CRYBG1: variants seen among roughly 807,000 people sequenced by gnomAD.
The protein encoded by CRYBG1 is beta/gamma crystallin domain-containing protein 1.
CRYBG1 carries 139 observed loss-of-function variants against 189.2 expected under a neutral mutation model. That is an observed-to-expected ratio of 0.73 (90% CI 0.64 to 0.85). CRYBG1 has a LOEUF of 0.85. CRYBG1 is among the 40% of genes least tolerant of loss of function. CRYBG1 has a pLI of 0.00. For missense variants in CRYBG1, 2,611 were observed against 2,675.8 expected (o/e 0.98, Z 0.53); for synonymous variants, 1,023 against 1,017.1 (o/e 1.01, Z -0.11).
In CRYBG1 at chr6:106,568,601, C is replaced by G. The variant is rs41302047; in HGVS notation, c.*35C>G. The G allele has an allele frequency of 3.4e-3, 5,132 of 1,490,964 alleles. 17 individuals carry two copies. The highest frequency in any genetic ancestry group is 4.3e-3 in the Non-Finnish European group (4,655 of 1,070,522). 92.4% of individuals were successfully genotyped at this position (1,490,964 alleles called of 1,614,324 possible). ...GAAGAAGAATCTTCTGGAGGTCCTT[C>G]CAGCCACCTTATTTCTTAAAAAGGA... On this transcript the variant is annotated 3_prime_UTR_variant, in exon 22 of 22. Transcript: ENST00000633556.
rs567905078 is a variant in CRYBG1, at chr6:106,408,726, A to G, written c.174-42968A>G. On this transcript the variant is annotated intron_variant, in intron 1 of 21. Coordinates refer to ENST00000633556, the MANE Select transcript of CRYBG1 (RefSeq NM_001371242.2). Reference sequence around the variant, plus strand: ...TGCAAGGCTGCTTCAGCATATGCAAACCAATAAACATAATCCATCACATAA... The same window carrying G: ...TGCAAGGCTGCTTCAGCATATGCAAGCCAATAAACATAATCCATCACATAA... 4.6e-5 allele frequency among the ~76,000 whole-genome samples: 7 copies of G among 152,356 alleles called. No individual in the cohort carries two copies. The East Asian group carries it at 5.8e-4, about 13-fold the overall frequency.
chr6:106,419,435 T>G (rs1322567083), intron 1 of CRYBG1, among the ~76,000 whole-genome samples: 2 of 152,022 alleles, frequency 1.3e-5, no homozygotes, highest in South Asian at 4.1e-4. Flanking sequence ...CAGGCTGGAG[T>G]GCAATGGTGT....
chr6:106,459,783 C>T (rs1410067957), intron 2 of CRYBG1, among the ~76,000 whole-genome samples: 1 of 151,848 alleles, frequency 6.6e-6, no homozygotes, highest in African/African-American at 2.4e-5. Flanking sequence ...GGATAAATTC[C>T]CTAGAAGTGG....
chr6:106,398,499 G>A (rs914246722), intron 1 of CRYBG1, among the ~76,000 whole-genome samples: 1 of 152,074 alleles, frequency 6.6e-6, no homozygotes, highest in African/African-American at 2.4e-5. Flanking sequence ...AACAACCGGT[G>A]AACCAGAAGC....
At chr6:106,455,013 A>G (rs1316256780) in intron 2 of CRYBG1, 1 of 152,246 alleles carries the variant, frequency 6.6e-6, no homozygotes, top group African/African-American at 2.4e-5. Flanking sequence ...AAATTTACAT[A>G]TACAACAACT....
At chr6:106,472,521 TTGA>T (rs55728382) in intron 2 of CRYBG1, among the ~76,000 whole-genome samples, 32,352 of 151,972 alleles carry the variant, frequency 0.21, 3,646 homozygotes, top group East Asian at 0.37. Flanking sequence ...TAGCTTTTTC[TTGA>T]TGATTCATGA....
rs73519187 is a variant in CRYBG1 at position 106,507,367 on chromosome 6, G to C, written c.313-4063G>C. ...CAGGCTGCCTTAAGTAAGGTGGGCA[G>C]AAAATACACAGTAAAAAGGTAAATA... On this transcript the variant is annotated intron_variant, in intron 2 of 21. Transcript: ENST00000633556. Among the ~76,000 whole-genome samples, 442 of 152,338 alleles carry C rather than the reference G, an allele frequency of 2.9e-3. 5 individuals are homozygous for C. The highest frequency in any genetic ancestry group is 0.01 in the African/African-American group (427 of 41,582).
chr6:106,488,647 C>T (rs934857402), intron 2 of CRYBG1, among the ~76,000 whole-genome samples: 18 of 152,070 alleles, frequency 1.2e-4, no homozygotes, highest in African/African-American at 3.9e-4. Flanking sequence ...GGCCAACTGT[C>T]AGGCAGGGGG....
intron 1 of CRYBG1, among the ~76,000 whole-genome samples, chr6:106,362,824 A>G (rs1771906165): frequency 6.6e-6 from 1 of 152,230 alleles, no homozygotes; most frequent in Admixed American, 6.5e-5. Flanking sequence ...TTACCTCAGT[A>G]AATATTTTAA....
chr6:106,530,034 G>T, intron 7 of CRYBG1, 142 bp from the exon 8 acceptor site: 1 of 693,622 alleles, frequency 1.4e-6, no homozygotes, highest in Non-Finnish European at 2.2e-6. Context: ...ACAGGAAAGG[G>T]CTAAAATGGC....
intron 8 of CRYBG1, among the ~76,000 whole-genome samples, chr6:106,534,414 A>G (rs1449636253): frequency 6.6e-6 from 1 of 152,150 alleles, no homozygotes; most frequent in African/African-American, 2.4e-5. Context: ...GAGCTTAGAC[A>G]CCAGGTCATT....
At chr6:106,475,767 G>C (rs1400604618) in intron 2 of CRYBG1, among the ~76,000 whole-genome samples, 1 of 152,204 alleles carries the variant, frequency 6.6e-6, no homozygotes, top group East Asian at 1.9e-4. Context: ...CAAACAAATG[G>C]CTTTGTTTAG....
At chr6:106,493,530 T>C (rs1211208542) in intron 2 of CRYBG1, among the ~76,000 whole-genome samples, 1 of 152,126 alleles carries the variant, frequency 6.6e-6, no homozygotes, top group Non-Finnish European at 1.5e-5. Context: ...CAAAGAGATA[T>C]TTACACACCC....
At chr6:106,369,722 A>G (rs553265655) in intron 1 of CRYBG1, among the ~76,000 whole-genome samples, 60 of 152,354 alleles carry the variant, frequency 3.9e-4, no homozygotes, top group African/African-American at 1.4e-3. Context: ...TCAATATTTG[A>G]TTGAGAGATG....
intron 21 of CRYBG1, among the ~76,000 whole-genome samples, chr6:106,566,733 G>T (rs532285896): frequency 3.9e-5 from 6 of 152,034 alleles, no homozygotes; most frequent in African/African-American, 1.2e-4. Context: ...AGCGCCGCAC[G>T]TCCCACACCC....
chr6:106,519,705 G>T lies in CRYBG1; in HGVS notation c.2497G>T (p.Asp833Tyr). 6.2e-7 allele frequency: 1 copy of T among 1,614,144 alleles called. No homozygotes were observed. Among genetic ancestry groups the T allele is most frequent in the Non-Finnish European group, 8.5e-7 (1 of 1,180,034 alleles). Reference sequence around the variant, plus strand: ...AAGCCTTGTACTTGAAAATGTAACCGATACAGCACAAGACATCCCCACCAC... The same window carrying T: ...AAGCCTTGTACTTGAAAATGTAACCTATACAGCACAAGACATCCCCACCAC... ...SKSLVLENVTDTAQDIPTTVD... is the reference protein window; with the variant it reads ...SKSLVLENVTYTAQDIPTTVD... The change falls in exon 4 of 22, where the codon GAT (aspartate) becomes TAT (tyrosine). Residue 833 changes from aspartate to tyrosine, a missense_variant. This residue lies in a region of CRYBG1 where 1,622 missense variants were observed against 1,735.0 expected (regional missense o/e 0.93). Coordinates refer to ENST00000633556, the MANE Select transcript of CRYBG1 (RefSeq NM_001371242.2).
chr6:106,364,388 A>G (rs1429791536), intron 1 of CRYBG1, among the ~76,000 whole-genome samples: 2 of 152,208 alleles, frequency 1.3e-5, no homozygotes, highest in Admixed American at 6.5e-5. Context: ...AAAGTTTATT[A>G]AAGTCAGATT....
intron 2 of CRYBG1, among the ~76,000 whole-genome samples, chr6:106,474,397 T>A (rs569953688): frequency 6.6e-5 from 10 of 152,352 alleles, no homozygotes; most frequent in Non-Finnish European, 1.2e-4. Context: ...TAGTGTATAA[T>A]AACCTGCATA....
At chr6:106,536,377 T>C (rs1183220082) in intron 8 of CRYBG1, among the ~76,000 whole-genome samples, 1 of 152,254 alleles carries the variant, frequency 6.6e-6, no homozygotes, top group East Asian at 1.9e-4. Context: ...CTTTCCATTG[T>C]AAAGGTTCAT....
Sources: allele counts gnomAD v4.1 joint callset (sites outside exome capture counted in the v4.1 genomes callset), GRCh38; gene constraint gnomAD v4.1.1; regional missense constraint gnomAD v4.1.1; transcripts MANE v1.5; gene names NCBI Gene and HGNC (gene_info 2026-07-23, HGNC 2026-07-21).